Variants in WDR20 observed in about 807,000 individuals in gnomAD.
The protein encoded by WDR20 is WD repeat domain 20.
In WDR20, 3 loss-of-function variants were observed where a neutral mutation model predicts 38.7. That is an observed-to-expected ratio of 0.08 (90% CI 0.04 to 0.20). WDR20 has a LOEUF of 0.20. Among genes scored for constraint, WDR20 ranks in the 10% least tolerant of loss-of-function variants. WDR20 has a pLI of 1.00. For synonymous variants in WDR20, 298 were observed against 285.6 expected (o/e 1.04, Z -0.44); for missense variants, 559 against 727.7 (o/e 0.77, Z 2.67).
chr14:102,207,202 TGGGCCC>T lies in WDR20; in HGVS notation c.433-1399_433-1394del, dbSNP rs2061702726. Among the ~76,000 whole-genome samples, 1 of 152,256 alleles carries T rather than the reference TGGGCCC, an allele frequency of 6.6e-6. No individual in the cohort carries two copies. Among genetic ancestry groups the T allele is most frequent in the Non-Finnish European group, 1.5e-5 (1 of 68,042 alleles). ...CTGCCCAATGCATGGTCCCCAGCCC[TGGGCCC>T]GCATGCTGTGTGGCGTTCAGGCCTC... is the stretch of plus-strand genomic sequence containing the variant. On this transcript the variant is annotated intron_variant, in intron 2 of 2. Coordinates refer to ENST00000342702, the MANE Select transcript of WDR20 (RefSeq NM_144574.4). This position sits in a 1 kb window ranked among gnomAD's most constrained non-coding sequence, Gnocchi z 5.0.
chr14:102,195,230 G>A (rs1291099597), intron 2 of WDR20, 110 bp downstream of exon 2: 28 of 1,220,276 alleles, frequency 2.3e-5, no homozygotes, highest in African/African-American at 4.6e-5. Flanking sequence ...TTTTTTATTC[G>A]CCCAGCCCTC....
chr14:102,153,192 C>T (rs1178754689), intron 1 of WDR20, among the ~76,000 whole-genome samples: 1 of 152,158 alleles, frequency 6.6e-6, no homozygotes, highest in Non-Finnish European at 1.5e-5. Flanking sequence ...TGCCTGCCCC[C>T]CCTTCACCTT....
intron 1 of WDR20, among the ~76,000 whole-genome samples, chr14:102,170,422 T>C (rs140208707): frequency 1.3e-5 from 2 of 152,214 alleles, no homozygotes; most frequent in African/African-American, 4.8e-5. Context: ...TTCTAAAAAT[T>C]GTACCAATTT....
chr14:102,146,794 T>A (rs887840441), intron 1 of WDR20, among the ~76,000 whole-genome samples: 1 of 152,202 alleles, frequency 6.6e-6, no homozygotes, highest in East Asian at 1.9e-4. Flanking sequence ...TTCTCCCCTT[T>A]TGTAATTTTT....
rs941891479 is a variant in WDR20 at position 102,193,370 on chromosome 14, C to T, written c.250-1568C>T. The T allele has an allele frequency of 1.3e-5, 18 of 1,355,842 alleles. No homozygotes were observed. The African/African-American group carries it at 2.2e-4, about 16-fold the overall frequency. 84.0% of individuals were successfully genotyped at this position (1,355,842 alleles called of 1,614,324 possible). A position where few individuals can be genotyped will look rare whatever the true frequency, so the allele number is the denominator to read the frequency against. On this transcript the variant is annotated intron_variant, in intron 1 of 2. Transcript: ENST00000342702. Reference sequence around the variant, plus strand: ...CCTCCACTGGCCGCTTTTCTCCTCGCTCCAGTCAGGACTCCCTTTTGTTTT... The same window carrying T: ...CCTCCACTGGCCGCTTTTCTCCTCGTTCCAGTCAGGACTCCCTTTTGTTTT...
chr14:102,214,549 A>G (rs1052886758), downstream of WDR20: 21 of 985,378 alleles, frequency 2.1e-5, no homozygotes, highest in African/African-American at 2.8e-4. Flanking sequence ...CGTGTCATAA[A>G]TTGCTATCCT....
upstream of WDR20, chr14:102,139,431 T>G (rs1595694045): frequency 6.6e-7 from 1 of 1,518,880 alleles, no homozygotes; most frequent in African/African-American, 1.4e-5. Flanking sequence ...GTACCCCGCG[T>G]GCTGGCTCCG....
chr14:102,194,235 T>C (rs554812286), intron 1 of WDR20, among the ~76,000 whole-genome samples: 5 of 152,310 alleles, frequency 3.3e-5, no homozygotes, highest in Admixed American at 1.3e-4. Flanking sequence ...GCATGTAAAG[T>C]CCTTTGATTA....
intron 1 of WDR20, among the ~76,000 whole-genome samples, chr14:102,186,835 A>G (rs985414041): frequency 6.6e-6 from 1 of 151,968 alleles, no homozygotes; most frequent in African/African-American, 2.4e-5. Context: ...CTGTAGTCCC[A>G]GCTACTCGGG....
At chr14:102,160,046 G>A (rs926026011) in intron 1 of WDR20, among the ~76,000 whole-genome samples, 3 of 152,164 alleles carry the variant, frequency 2.0e-5, no homozygotes, top group Non-Finnish European at 4.4e-5. Context: ...CAACGCTTCA[G>A]TGAGCTATGA....
intron 1 of WDR20, among the ~76,000 whole-genome samples, chr14:102,159,266 T>C (rs1799076281): frequency 6.6e-6 from 1 of 152,130 alleles, no homozygotes; most frequent in Admixed American, 6.5e-5. Context: ...CTATGGGTCA[T>C]GTGCCTCCAG....
chr14:102,210,784 G>A (rs1454284140), downstream of WDR20, among the ~76,000 whole-genome samples: 2 of 152,124 alleles, frequency 1.3e-5, no homozygotes, highest in Non-Finnish European at 2.9e-5. Context: ...AAAGGCACGT[G>A]ACTCCTCCGC....
intron 2 of WDR20, among the ~76,000 whole-genome samples, chr14:102,202,549 T>A (rs2060643536): frequency 6.6e-6 from 1 of 151,626 alleles, no homozygotes. Flanking sequence ...CCAGCTAATT[T>A]TTTTGTATTT....
In WDR20 at chr14:102,210,349, A is replaced by C. The variant is rs1185924990; in HGVS notation, c.*469A>C. 36 of 985,996 alleles carry C rather than the reference A, an allele frequency of 3.7e-5. No homozygotes were observed. The highest frequency in any genetic ancestry group is 4.3e-5 in the Non-Finnish European group (36 of 830,208). 61.1% of individuals were successfully genotyped at this position (985,996 alleles called of 1,614,324 possible). On this transcript the variant is annotated 3_prime_UTR_variant, in exon 3 of 3. Coordinates refer to ENST00000342702, the MANE Select transcript of WDR20 (RefSeq NM_144574.4). ...TAGTCCAATTTTTTATCTTAATCAT[A>C]AAATGTTTAGGAATCTATGAAATTT...
Position 102,139,998 on chromosome 14 carries a change from G to A in WDR20, c.75G>A (p.Lys25=), listed in dbSNP as rs1595699150. ...TCACCACCCGGGAAGGTCTGTACAAGCTGCTGCCGCACTCGGAGTACAGCC... is the reference window on the plus strand; with the variant it reads ...TCACCACCCGGGAAGGTCTGTACAAACTGCTGCCGCACTCGGAGTACAGCC... The part of the protein sequence containing the change: ...TQFTTREGLY[K]LLPHSEYSRP... Residue 25 remains lysine (K), a synonymous_variant, in exon 1 of 3, where the codon AAG becomes AAA. Transcript: ENST00000342702. 3 of 1,614,252 alleles carry A rather than the reference G, an allele frequency of 1.9e-6. No individual in the cohort carries two copies. In the East Asian group the frequency reaches 6.7e-5, roughly 36 times the overall value.
At chr14:102,218,902 G>A (rs1252972949), downstream of WDR20, among the ~76,000 whole-genome samples, 6 of 152,220 alleles carry the variant, frequency 3.9e-5, no homozygotes, top group Non-Finnish European at 8.8e-5. Flanking sequence ...CACAGGTGAA[G>A]CGTGGGCGGG....
chr14:102,217,252 C>T (rs778457035), downstream of WDR20, among the ~76,000 whole-genome samples: 7 of 152,196 alleles, frequency 4.6e-5, no homozygotes, highest in East Asian at 1.9e-4. Flanking sequence ...CAGCCCGGGC[C>T]GGTGCTGGTC....
At chr14:102,217,045 C>G (rs2063305812), downstream of WDR20, among the ~76,000 whole-genome samples, 1 of 152,194 alleles carries the variant, frequency 6.6e-6, no homozygotes, top group South Asian at 2.1e-4. Flanking sequence ...CAGCTCCCTA[C>G]CACCCCTTCC....
intron 1 of WDR20, among the ~76,000 whole-genome samples, chr14:102,154,374 C>T (rs2056874332): frequency 6.6e-6 from 1 of 152,218 alleles, no homozygotes; most frequent in Admixed American, 6.5e-5. Flanking sequence ...ACTGTGTCCT[C>T]ACATGGTGGA....
Sources: allele counts gnomAD v4.1 joint callset (sites outside exome capture counted in the v4.1 genomes callset), GRCh38; gene constraint gnomAD v4.1.1; non-coding constraint Gnocchi (gnomAD v3.1); transcripts MANE v1.5; gene names NCBI Gene and HGNC (gene_info 2026-07-23, HGNC 2026-07-21).